ELFN1: variants seen among roughly 807,000 people sequenced by gnomAD.
ELFN1 encodes protein ELFN1.
In ELFN1, 6 loss-of-function variants were observed where a neutral mutation model predicts 7.6. The observed-to-expected ratio is 0.79, with a 90% CI of 0.43 to 1.56. ELFN1 has a LOEUF of 1.56. ELFN1 is among the 40% of genes most tolerant of loss of function. ELFN1 has a pLI of 0.01. For synonymous variants in ELFN1, 657 were observed against 588.1 expected (o/e 1.12, Z -1.70); for missense variants, 1,169 against 1,232.2 (o/e 0.95, Z 0.77).
rs146230211 is a variant in ELFN1, at chr7:1,686,359, C to G, written c.-548-1699C>G. ...ATGGGATCTCACTCTGTTGCCCAGG[C>G]TGGAGTACAGTGGTGTGATCATAGC... On this transcript the variant is annotated intron_variant, in intron 1 of 3. Coordinates refer to ENST00000424383, the MANE Select transcript of ELFN1 (RefSeq NM_001128636.4). Among the ~76,000 whole-genome samples, 645 of 144,464 alleles carry G rather than the reference C, an allele frequency of 4.5e-3. 3 individuals carry two copies. The highest frequency in any genetic ancestry group is 0.015 in the Middle Eastern group (4 of 270). The allele number at this position is 144,464 out of a possible 152,430, so 94.8% of individuals were successfully genotyped here. A position where few individuals can be genotyped will look rare whatever the true frequency, so the allele number is the denominator to read the frequency against.
Position 1,673,368 on chromosome 7 carries a change from T to G in ELFN1, c.-549+3014T>G, listed in dbSNP as rs1428315616. On this transcript the variant is annotated intron_variant, in intron 1 of 3. Transcript: ENST00000424383. This position sits in a 1 kb window ranked among gnomAD's most constrained non-coding sequence, Gnocchi z 4.7. Reference sequence around the variant, plus strand: ...GGGATTCCAGCAGGGTGGGAGGCCTTGGTCGTTGGGGGCTGCTGCCTCCCT... The same window carrying G: ...GGGATTCCAGCAGGGTGGGAGGCCTGGGTCGTTGGGGGCTGCTGCCTCCCT... Among the ~76,000 whole-genome samples the G allele has an allele frequency of 6.6e-6, 1 of 152,084 alleles. No homozygotes were observed. The highest frequency in any genetic ancestry group is 1.5e-5 in the Non-Finnish European group (1 of 67,996).
At chr7:1,717,590 G>A (rs2128590971) in intron 3 of ELFN1, among the ~76,000 whole-genome samples, 1 of 152,302 alleles carries the variant, frequency 6.6e-6, no homozygotes, top group South Asian at 2.1e-4. Context: ...GTTCATGGGG[G>A]AGCCTGACCT....
rs367759727 is a variant in ELFN1, at chr7:1,740,340, C to T, written c.-293-3964C>T. Among the ~76,000 whole-genome samples, 1 of 152,238 alleles carries T rather than the reference C, an allele frequency of 6.6e-6. No individual in the cohort carries two copies. The highest frequency in any genetic ancestry group is 1.9e-4 in the East Asian group (1 of 5,196). On this transcript the variant is annotated intron_variant, in intron 3 of 3. Coordinates refer to ENST00000424383, the MANE Select transcript of ELFN1 (RefSeq NM_001128636.4). This position sits in a 1 kb window ranked among gnomAD's most constrained non-coding sequence, Gnocchi z 5.0. ...CTCTGGGTCTGAGGCAGCAAGTGTG[C>T]TGAGGAGGGGACCAGGGCTGGAGCT...
At position 1,746,496 on chromosome 7, in the gene ELFN1, G is replaced by T; in HGVS notation, c.1900G>T (p.Gly634Trp). 6.7e-7 allele frequency: 1 copy of T among 1,494,436 alleles called. No individual in the cohort carries two copies. The highest frequency in any genetic ancestry group is 8.8e-7 in the Non-Finnish European group (1 of 1,130,260). 92.6% of individuals were successfully genotyped at this position (1,494,436 alleles called of 1,614,324 possible). The change falls in exon 4 of 4, where the codon GGG becomes TGG. Residue 634 changes from glycine to tryptophan, a missense_variant. Physicochemically the swap from Gly to Trp is radical, Grantham distance 184. Transcript: ENST00000424383. ...GCGGCACCACAGCGTGGAGGCCGCC[G>T]GGCCCCCTCGTGCCAGCACCTCGTC... ...LQRHHSVEAA[G>W]PPRASTSSSG...
chr7:1,724,609 A>ACCCGGACCCCCT (rs998849175), intron 3 of ELFN1, among the ~76,000 whole-genome samples: 1 of 151,720 alleles, frequency 6.6e-6, no homozygotes, highest in African/African-American at 2.4e-5. Flanking sequence ...TGTGACCCCC[A>ACCCGGACCCCCT]CCCGGACCCC....
At chr7:1,697,838 G>A (rs890979025) in intron 2 of ELFN1, among the ~76,000 whole-genome samples, 1 of 152,184 alleles carries the variant, frequency 6.6e-6, no homozygotes, top group Non-Finnish European at 1.5e-5. Flanking sequence ...AGGCTGGAGT[G>A]CAGTGGTGCA....
chr7:1,693,534 A>G (rs1779223453), intron 2 of ELFN1: 2 of 471,126 alleles, frequency 4.2e-6, no homozygotes, highest in Non-Finnish European at 8.8e-6. Flanking sequence ...TCCTGGTGCA[A>G]GAACACATAC....
chr7:1,730,146 C>T (rs905291708), intron 3 of ELFN1, among the ~76,000 whole-genome samples: 3 of 152,246 alleles, frequency 2.0e-5, no homozygotes, highest in Non-Finnish European at 2.9e-5. Context: ...GACCCTGAAT[C>T]GTGAAAATCT....
At chr7:1,726,512 C>T in intron 3 of ELFN1, among the ~76,000 whole-genome samples, 1 of 152,228 alleles carries the variant, frequency 6.6e-6, no homozygotes, top group Admixed American at 6.5e-5. Flanking sequence ...GCCTCACGCC[C>T]ACCAGAGTGT....
Position 1,707,295 on chromosome 7 carries a change from G to A in ELFN1, c.-455-1796G>A, listed in dbSNP as rs540642021. 2.6e-5 allele frequency among the ~76,000 whole-genome samples: 4 copies of A among 152,360 alleles called. No homozygotes were observed. The South Asian group carries it at 6.2e-4, about 24-fold the overall frequency. ...CCGCGTCCTGGCCCGACCCCTCCACGTGACTGCAGGCTGGCTGCACACGCC... is the reference window on the plus strand; with the variant it reads ...CCGCGTCCTGGCCCGACCCCTCCACATGACTGCAGGCTGGCTGCACACGCC... On this transcript the variant is annotated intron_variant, in intron 2 of 3. Transcript: ENST00000424383.
intron 3 of ELFN1, among the ~76,000 whole-genome samples, chr7:1,742,548 C>G (rs1303127497): frequency 1.3e-5 from 2 of 152,230 alleles, no homozygotes; most frequent in African/African-American, 2.4e-5. Context: ...ACAGCGCTGA[C>G]TCCCGTGATG....
intron 2 of ELFN1, chr7:1,694,012 C>A (rs1289610660): frequency 2.8e-6 from 1 of 360,388 alleles, no homozygotes. Flanking sequence ...CGTGCACCGA[C>A]GCTTAGAGCT....
At chr7:1,722,309 C>G (rs1387771654) in intron 3 of ELFN1, among the ~76,000 whole-genome samples, 1 of 150,732 alleles carries the variant, frequency 6.6e-6, no homozygotes, top group South Asian at 2.1e-4. Context: ...CTCTGTCACC[C>G]AGGCTGGGGT....
intron 3 of ELFN1, among the ~76,000 whole-genome samples, chr7:1,741,245 G>T (rs918664578): frequency 2.0e-5 from 3 of 152,188 alleles, no homozygotes; most frequent in Non-Finnish European, 4.4e-5. Flanking sequence ...CTTCCTCCCT[G>T]GCAGGGCGCT....
chr7:1,739,589 G>A lies in ELFN1; in HGVS notation c.-293-4715G>A, dbSNP rs1393511546. The A allele has an allele frequency of 1.3e-5, 2 of 153,874 alleles. No individual in the cohort carries two copies. The highest frequency in any genetic ancestry group is 2.9e-5 in the Non-Finnish European group (2 of 69,294). 9.5% of individuals were successfully genotyped at this position (153,874 alleles called of 1,614,324 possible). A position where few individuals can be genotyped will look rare whatever the true frequency, so the allele number is the denominator to read the frequency against. ...AGACCCCCTGGGAGAGCTGGGGAGAGGAGGCAGTGAGGACCGAGCCTGGCC... is the reference window on the plus strand; with the variant it reads ...AGACCCCCTGGGAGAGCTGGGGAGAAGAGGCAGTGAGGACCGAGCCTGGCC... On this transcript the variant is annotated intron_variant, in intron 3 of 3. Transcript: ENST00000424383. This position sits in a 1 kb window ranked among gnomAD's most constrained non-coding sequence, Gnocchi z 4.6.
intron 3 of ELFN1, among the ~76,000 whole-genome samples, chr7:1,724,841 G>A (rs1276586976): frequency 6.6e-6 from 1 of 152,166 alleles, no homozygotes; most frequent in Non-Finnish European, 1.5e-5. Context: ...CTCCCGTCCT[G>A]CACCCCTGGC....
At position 1,740,284 on chromosome 7, in the gene ELFN1, C is replaced by T. The variant is rs1780571302; in HGVS notation, c.-293-4020C>T. Among the ~76,000 whole-genome samples the T allele has an allele frequency of 3.3e-5, 5 of 152,200 alleles. No individual in the cohort carries two copies. The highest frequency in any genetic ancestry group is 2.6e-4 in the Admixed American group (4 of 15,282). On this transcript the variant is annotated intron_variant, in intron 3 of 3. Coordinates refer to ENST00000424383, the MANE Select transcript of ELFN1 (RefSeq NM_001128636.4). The surrounding 1 kb of genome is among the most constrained non-coding windows in gnomAD (Gnocchi z 5.0). ...TCCTGAGGGATGCCTATTGCCCTCC[C>T]TGGGGCCTTGTGGTCCACGCCCATA...
intron 2 of ELFN1, among the ~76,000 whole-genome samples, chr7:1,706,704 C>T (rs894475161): frequency 6.6e-6 from 1 of 152,222 alleles, no homozygotes; most frequent in African/African-American, 2.4e-5. Context: ...TAATCACCTT[C>T]ACCCCTATAA....
chr7:1,734,157 G>A (rs1583390182), intron 3 of ELFN1, among the ~76,000 whole-genome samples: 1 of 152,174 alleles, frequency 6.6e-6, no homozygotes, highest in South Asian at 2.1e-4. Flanking sequence ...GGCGTGATGA[G>A]GAAAGTGCCA....
Sources: allele counts gnomAD v4.1 joint callset (sites outside exome capture counted in the v4.1 genomes callset), GRCh38; gene constraint gnomAD v4.1.1; non-coding constraint Gnocchi (gnomAD v3.1); transcripts MANE v1.5; gene names NCBI Gene and HGNC (gene_info 2026-07-23, HGNC 2026-07-21).